The following RNF144A variants were observed in gnomAD, a reference collection of about 807,000 sequenced individuals.
RNF144A encodes the protein ring finger protein 144A.
In RNF144A, 11 loss-of-function variants were observed where a neutral mutation model predicts 38.7. The observed-to-expected ratio is 0.28, with a 90% CI of 0.18 to 0.47. RNF144A has a LOEUF of 0.47. Among genes scored for constraint, RNF144A ranks in the 20% least tolerant of loss-of-function variants. The pLI is 0.99. For missense variants in RNF144A, 316 were observed against 377.2 expected (o/e 0.84, Z 1.34); for synonymous variants, 149 against 143.9 (o/e 1.04, Z -0.25).
At chr2:7,002,573 C>T (rs2103400266) in intron 3 of RNF144A, among the ~76,000 whole-genome samples, 1 of 152,248 alleles carries the variant, frequency 6.6e-6, no homozygotes, top group East Asian at 1.9e-4. Flanking sequence ...ATTGAGAGGA[C>T]TTTGCTAAGG....
chr2:7,028,079 A>T (rs1044220432), intron 7 of RNF144A, among the ~76,000 whole-genome samples: 1 of 151,902 alleles, frequency 6.6e-6, no homozygotes, highest in Non-Finnish European at 1.5e-5. Context: ...GCTATGAAGG[A>T]GGCTGCATGG....
intron 6 of RNF144A, among the ~76,000 whole-genome samples, chr2:7,061,474 T>C (rs979670135): frequency 1.3e-5 from 2 of 152,042 alleles, no homozygotes; most frequent in Admixed American, 6.6e-5. Context: ...ATGGCAAGGG[T>C]GATGATGTTT....
chr2:6,925,843 GA>G (rs34767673), intron 1 of RNF144A, among the ~76,000 whole-genome samples: 21 of 152,128 alleles, frequency 1.4e-4, no homozygotes, highest in Non-Finnish European at 2.5e-4. Flanking sequence ...TCCTTTGGGG[GA>G]GACATGATTC....
chr2:6,955,286 A>G (rs1666931138), intron 2 of RNF144A, among the ~76,000 whole-genome samples: 2 of 152,206 alleles, frequency 1.3e-5, no homozygotes, highest in Admixed American at 1.3e-4. Flanking sequence ...TGAAAAATAA[A>G]TAATAAAATT....
rs568409630 is a variant in RNF144A at position 6,943,678 on chromosome 2, A to G, written c.-12+2531A>G. Among the ~76,000 whole-genome samples the G allele has an allele frequency of 1.7e-4, 26 of 152,252 alleles. 1 individual carries two copies. The highest frequency in any genetic ancestry group is 3.9e-4 in the Admixed American group (6 of 15,288). On this transcript the variant is annotated intron_variant, in intron 2 of 8. Transcript: ENST00000320892. This position sits in a 1 kb window ranked among gnomAD's most constrained non-coding sequence, Gnocchi z 4.3. Reference sequence around the variant, plus strand: ...GTTACTGGCTTTAGGAGGAACACGGATAGTTACCAGTGGGGATGGACCAAA... The same window carrying G: ...GTTACTGGCTTTAGGAGGAACACGGGTAGTTACCAGTGGGGATGGACCAAA...
chr2:7,003,989 C>T (rs1244786840), intron 3 of RNF144A, among the ~76,000 whole-genome samples: 1 of 152,254 alleles, frequency 6.6e-6, no homozygotes, highest in Non-Finnish European at 1.5e-5. Flanking sequence ...AGCTCCCAAA[C>T]TAATGAATGG....
intron 6 of RNF144A, among the ~76,000 whole-genome samples, chr2:7,066,244 C>T (rs186855005): frequency 9.9e-5 from 15 of 152,140 alleles, no homozygotes; most frequent in Non-Finnish European, 1.8e-4. Flanking sequence ...CCCACTATCA[C>T]GCCCAGCTAA....
At position 7,051,341 on chromosome 2, in the gene RNF144A, C is replaced by T. The variant is rs550782543; in HGVS notation, c.735-16875C>T. On this transcript the variant is annotated intron_variant, in intron 6 of 6. Transcript: ENST00000432850. ...GGGGATTGGAGGTGGAGCAGGTGGA[C>T]GGGGTAGAGCGGTAAGGGACAGAGG... 1.5e-3 allele frequency among the ~76,000 whole-genome samples: 227 copies of T among 152,082 alleles called. 2 individuals carry two copies. The highest frequency in any genetic ancestry group is 2.4e-3 in the African/African-American group (99 of 41,496).
chr2:6,995,570 AG>A (rs1232568947), intron 2 of RNF144A, among the ~76,000 whole-genome samples: 3 of 152,172 alleles, frequency 2.0e-5, no homozygotes, highest in African/African-American at 7.2e-5. Flanking sequence ...CTGTGGTCGA[AG>A]GGCCAGGAGT....
intron 6 of RNF144A, among the ~76,000 whole-genome samples, chr2:7,051,708 G>A (rs910891975): frequency 3.3e-5 from 5 of 152,224 alleles, no homozygotes; most frequent in African/African-American, 9.7e-5. Context: ...GGCCAACATG[G>A]TGAAATGTCA....
At position 7,041,606 on chromosome 2, in the gene RNF144A, C is replaced by T. The variant is rs1039353815; in HGVS notation, c.*1846C>T. 159 of 985,742 alleles carry T rather than the reference C, an allele frequency of 1.6e-4. No homozygotes were observed. Among genetic ancestry groups the T allele is most frequent in the Admixed American group, 5.5e-4 (9 of 16,262 alleles). 61.1% of individuals were successfully genotyped at this position (985,742 alleles called of 1,614,324 possible). A position where few individuals can be genotyped will look rare whatever the true frequency, so the allele number is the denominator to read the frequency against. On this transcript the variant is annotated 3_prime_UTR_variant, in exon 9 of 9. Transcript: ENST00000320892. ...TTTCTGGAGGTGGGTGGCAACTCCA[C>T]GCGGGAGTCATTGGCTGGGCTTGAG...
rs769363195 is a variant in RNF144A at position 7,007,997 on chromosome 2, C to T, written c.136-6457C>T. 6.4e-4 allele frequency among the ~76,000 whole-genome samples: 97 copies of T among 152,328 alleles called. 1 individual carries two copies. The highest frequency in any genetic ancestry group is 3.4e-3 in the Middle Eastern group (1 of 294). ...CAGAGGTGAGGGGAAGGCAGCTGGA[C>T]AGTTCACTAGTCCCTGTGGTATAGT... On this transcript the variant is annotated intron_variant, in intron 3 of 8. Transcript: ENST00000320892.
chr2:6,924,658 A>G (rs886384631), intron 1 of RNF144A, among the ~76,000 whole-genome samples: 3 of 152,256 alleles, frequency 2.0e-5, no homozygotes, highest in African/African-American at 7.2e-5. Flanking sequence ...CGGGCCTCTC[A>G]TGAAACACTA....
intron 2 of RNF144A, among the ~76,000 whole-genome samples, chr2:6,979,534 CT>C (rs375582955): frequency 0.02 from 2,911 of 146,184 alleles, 73 homozygotes; most frequent in African/African-American, 0.058. Context: ...AAATCATTAG[CT>C]TTTTTTTTTT....
At chr2:7,047,292 G>A (rs1673345336), downstream of RNF144A, among the ~76,000 whole-genome samples, 1 of 152,116 alleles carries the variant, frequency 6.6e-6, no homozygotes, top group Non-Finnish European at 1.5e-5. Flanking sequence ...GTGTATGAAT[G>A]TGTGTATTTG....
At chr2:6,953,234 C>T (rs912667297) in intron 2 of RNF144A, among the ~76,000 whole-genome samples, 14 of 152,128 alleles carry the variant, frequency 9.2e-5, no homozygotes, top group African/African-American at 3.4e-4. Context: ...TGAGACCAGC[C>T]TGGCCAACAT....
At chr2:7,057,153 CTG>C (rs1344674809) in intron 6 of RNF144A, among the ~76,000 whole-genome samples, 1 of 152,236 alleles carries the variant, frequency 6.6e-6, no homozygotes, top group Non-Finnish European at 1.5e-5. Context: ...TGCTCTGTCT[CTG>C]TGCCATACAG....
chr2:6,998,676 T>C (rs1289136242), intron 3 of RNF144A, among the ~76,000 whole-genome samples: 1 of 152,196 alleles, frequency 6.6e-6, no homozygotes, highest in Non-Finnish European at 1.5e-5. Flanking sequence ...GAAGTTGCTT[T>C]TGACATTGTT....
chr2:7,039,533 T>A lies in RNF144A; in HGVS notation c.748-96T>A, dbSNP rs115035711. 897 of 1,543,390 alleles carry A rather than the reference T, an allele frequency of 5.8e-4. 5 individuals are homozygous for A. In the African/African-American group the frequency reaches 0.011, roughly 19 times the overall value. Reference sequence around the variant, plus strand: ...ATGGATGGTTGGGTGGATGGATGGATGGATGGATGGGTAGCTGGTTGTGTG... The same window carrying A: ...ATGGATGGTTGGGTGGATGGATGGAAGGATGGATGGGTAGCTGGTTGTGTG... On this transcript the variant is annotated intron_variant, in intron 8 of 8. Transcript: ENST00000320892.
Sources: gnomAD v4.1 joint callset for allele counts (sites outside exome capture counted in the v4.1 genomes callset) on GRCh38, gnomAD v4.1.1 for gene constraint, Gnocchi (gnomAD v3.1) non-coding constraint, MANE v1.5 for transcripts, NCBI Gene and HGNC (gene_info 2026-07-23, HGNC 2026-07-21) for gene names.